Variants in ZMYM4 observed in about 807,000 individuals in gnomAD.
The protein encoded by ZMYM4 is zinc finger MYM-type containing 4.
Under a neutral mutation model 183.2 loss-of-function variants are expected in ZMYM4, and 31 were observed. The ratio of observed to expected loss-of-function variants is 0.17; its 90% confidence interval spans 0.13 to 0.23. The LOEUF (loss-of-function observed/expected upper bound fraction) is 0.23, where lower values mean the gene tolerates loss of function less well. Ranked by LOEUF, ZMYM4 falls within the 10% of genes least tolerant of loss-of-function variation. ZMYM4 has a pLI of 1.00. For synonymous variants in ZMYM4, 592 were observed against 631.2 expected (o/e 0.94, Z 0.93); for missense variants, 1,273 against 1,840.3 (o/e 0.69, Z 5.64).
chr1:35,289,807 G>A (rs1415013172), intron 1 of ZMYM4, among the ~76,000 whole-genome samples: 1 of 152,106 alleles, frequency 6.6e-6, no homozygotes, highest in Non-Finnish European at 1.5e-5. Context: ...GCCCCTGGTT[G>A]AATACCACTG....
chr1:35,371,147 G>A (rs913614907), intron 7 of ZMYM4, among the ~76,000 whole-genome samples: 3 of 138,994 alleles, frequency 2.2e-5, no homozygotes, highest in Admixed American at 7.4e-5. Flanking sequence ...ACGGAGTCTC[G>A]CTCTGTTGCC....
In ZMYM4 at chr1:35,285,112, A is replaced by G. The variant is rs541789289; in HGVS notation, c.39+16027A>G. On this transcript the variant is annotated intron_variant, in intron 1 of 29. Coordinates refer to ENST00000314607, the MANE Select transcript of ZMYM4 (RefSeq NM_005095.3). ...TGTAGTAGGTTTGAAATTAGGAAGTAGGAGTCCTCAAGTTTTTTTTTTCAA... is the reference window on the plus strand; with the variant it reads ...TGTAGTAGGTTTGAAATTAGGAAGTGGGAGTCCTCAAGTTTTTTTTTTCAA... Among the ~76,000 whole-genome samples, 22 of 151,398 alleles carry G rather than the reference A, an allele frequency of 1.5e-4. No individual in the cohort carries two copies. The South Asian group carries it at 4.4e-3, about 30-fold the overall frequency.
Position 35,389,073 on chromosome 1 carries a change from G to T in ZMYM4, c.2427G>T (p.Leu809Phe). 6.2e-7 allele frequency: 1 copy of T among 1,612,016 alleles called. No individual in the cohort carries two copies. Among genetic ancestry groups the T allele is most frequent in the South Asian group, 1.1e-5 (1 of 90,754 alleles). The change falls in exon 14 of 30, where the codon TTG becomes TTT. Residue 809 changes from leucine to phenylalanine, a missense_variant. Transcript: ENST00000314607. The surrounding 1 kb of genome is among the most constrained non-coding windows in gnomAD (Gnocchi z 4.0). Reference sequence around the variant, plus strand: ...AATGCATGTCCAAATATACAGTTTTGTTCTATCAGGTAAATAGAATTCACA... The same window carrying T: ...AATGCATGTCCAAATATACAGTTTTTTTCTATCAGGTAAATAGAATTCACA... ...CEECMSKYTV[L>F]FYQMAKCDAC... is the part of the protein sequence containing the mutation.
Position 35,381,406 on chromosome 1 carries a change from A to G in ZMYM4, c.1329A>G (p.Lys443=). 1.2e-6 allele frequency: 2 copies of G among 1,609,496 alleles called. No homozygotes were observed. The highest frequency in any genetic ancestry group is 1.7e-6 in the Non-Finnish European group (2 of 1,177,004). ...VTINTNSIST[K]CSMCQKNAVI... ...TAAATACAAATAGTATTTCAACCAA[A>G]TGCAGCATGTGTCAGAAGAATGCTG... Residue 443 remains lysine (K), a synonymous_variant, in exon 8 of 30, where the codon AAA becomes AAG. Coordinates refer to ENST00000314607, the MANE Select transcript of ZMYM4 (RefSeq NM_005095.3).
chr1:35,374,386 GT>G (rs984682557), intron 7 of ZMYM4, among the ~76,000 whole-genome samples: 24 of 151,834 alleles, frequency 1.6e-4, no homozygotes, highest in African/African-American at 1.9e-4. Context: ...AATTTTTATA[GT>G]TTTTTTTCTG....
intron 27 of ZMYM4, 88 bp from the exon 28 acceptor site, chr1:35,415,378 A>T: frequency 6.5e-7 from 1 of 1,531,836 alleles, no homozygotes; most frequent in African/African-American, 1.4e-5. Flanking sequence ...TTTTCTCTTT[A>T]TATCTCCCTG....
chr1:35,323,622 C>T (rs1377282354), intron 1 of ZMYM4, among the ~76,000 whole-genome samples: 1 of 151,900 alleles, frequency 6.6e-6, no homozygotes, highest in East Asian at 1.9e-4. Context: ...CAGCTCACTG[C>T]AAGCTCTGTC....
At chr1:35,342,629 ATTTG>A (rs751538232) in intron 2 of ZMYM4, among the ~76,000 whole-genome samples, 106 of 152,070 alleles carry the variant, frequency 7.0e-4, no homozygotes, top group Non-Finnish European at 1.0e-3. Flanking sequence ...CCATCTTAAA[ATTTG>A]TTTGTCTTCT....
intron 1 of ZMYM4, among the ~76,000 whole-genome samples, chr1:35,318,292 A>G (rs968758176): frequency 2.6e-5 from 4 of 151,996 alleles, no homozygotes; most frequent in Non-Finnish European, 5.9e-5. Flanking sequence ...TCTTGACCTC[A>G]GGTGATCCAC....
chr1:35,275,391 A>C (rs1639821674), intron 1 of ZMYM4, among the ~76,000 whole-genome samples: 3 of 151,896 alleles, frequency 2.0e-5, no homozygotes, highest in Admixed American at 2.0e-4. Context: ...ACAGGCGTGC[A>C]CCACAATGCC....
chr1:35,326,703 A>G (rs1312358199), intron 2 of ZMYM4, among the ~76,000 whole-genome samples: 1 of 152,200 alleles, frequency 6.6e-6, no homozygotes, highest in Non-Finnish European at 1.5e-5. Flanking sequence ...ACACACACCC[A>G]TGCTCACTCA....
chr1:35,405,038 A>G lies in ZMYM4; in HGVS notation c.3544A>G (p.Ile1182Val), dbSNP rs201516168. 121 of 1,610,936 alleles carry G rather than the reference A, an allele frequency of 7.5e-5. No homozygotes were observed. The highest frequency in any genetic ancestry group is 1.2e-4 in the Admixed American group (7 of 59,500). Residue 1182 changes from isoleucine (I) to valine (V), a missense_variant, in exon 24 of 30, where the codon ATA becomes GTA. Transcript: ENST00000314607. ...QPRRRGRKKSIVAVEPRSLIQ... is the reference protein window; with the variant it reads ...QPRRRGRKKSVVAVEPRSLIQ... ...ATTCTTACAGGGACGGAAGAAGTCT[A>G]TAGTGGCTGTGGAGCCCAGGAGTCT... is the stretch of plus-strand genomic sequence containing the variant.
At chr1:35,283,326 CTTTTTTTTTTTTT>C (rs201360397) in intron 1 of ZMYM4, among the ~76,000 whole-genome samples, 276 of 56,772 alleles carry the variant, frequency 4.9e-3, no homozygotes, top group Non-Finnish European at 5.9e-3. Context: ...GAAGTGGTAT[CTTTTTTTTTTTTT>C]TTTTTTTTTT....
At chr1:35,335,270 T>C (rs1486089789) in intron 2 of ZMYM4, among the ~76,000 whole-genome samples, 3 of 151,888 alleles carry the variant, frequency 2.0e-5, no homozygotes, top group African/African-American at 7.3e-5. Flanking sequence ...AGAGTCTCGC[T>C]GTGTCACCCA....
intron 12 of ZMYM4, 67 bp from the exon 13 acceptor site, chr1:35,387,387 G>A: frequency 1.3e-6 from 2 of 1,564,684 alleles, no homozygotes; most frequent in Non-Finnish European, 1.7e-6. Context: ...TTGAAAGTAA[G>A]GGAGATAAGG....
At chr1:35,303,859 T>C (rs1315803222) in intron 1 of ZMYM4, among the ~76,000 whole-genome samples, 1 of 152,212 alleles carries the variant, frequency 6.6e-6, no homozygotes, top group East Asian at 1.9e-4. Context: ...TGATTTGGCA[T>C]CCTTCTTTAA....
rs78283626 is a variant in ZMYM4, at chr1:35,329,912, G to A, written c.85+4507G>A. On this transcript the variant is annotated intron_variant, in intron 2 of 29. Coordinates refer to ENST00000314607, the MANE Select transcript of ZMYM4 (RefSeq NM_005095.3). ...TTAGGTTTAACTATATATAATAGAAGCACAATAGAACTTTATTTCTTGGCT... is the reference window on the plus strand; with the variant it reads ...TTAGGTTTAACTATATATAATAGAAACACAATAGAACTTTATTTCTTGGCT... Among the ~76,000 whole-genome samples the A allele has an allele frequency of 3.4e-3, 522 of 152,096 alleles. 3 individuals carry two copies. Among genetic ancestry groups the A allele is most frequent in the African/African-American group, 0.012 (493 of 41,500 alleles).
Position 35,370,806 on chromosome 1 carries a change from G to A in ZMYM4, c.1181+179G>A, listed in dbSNP as rs192019189. On this transcript the variant is annotated intron_variant, in intron 7 of 29. Coordinates refer to ENST00000314607, the MANE Select transcript of ZMYM4 (RefSeq NM_005095.3). ...CAGTTGTTGCTTTTCAGTCTTCCAG[G>A]TGCTAGGTGCTCAGCTTGTTTTTTA... is the stretch of plus-strand genomic sequence containing the variant. The A allele has an allele frequency of 1.4e-5, 10 of 700,550 alleles. No individual in the cohort carries two copies. In the East Asian group the frequency reaches 3.3e-4, roughly 23 times the overall value. The allele number at this position is 700,550 out of a possible 1,614,324, so 43.4% of individuals were successfully genotyped here. A position where few individuals can be genotyped will look rare whatever the true frequency, so the allele number is the denominator to read the frequency against.
chr1:35,338,332 A>C (rs1452164610), intron 2 of ZMYM4, among the ~76,000 whole-genome samples: 1 of 152,208 alleles, frequency 6.6e-6, no homozygotes, highest in Non-Finnish European at 1.5e-5. Context: ...TGGATTTTGG[A>C]TTTTATTTAG....
Sources: allele counts gnomAD v4.1 joint callset (sites outside exome capture counted in the v4.1 genomes callset), GRCh38; gene constraint gnomAD v4.1.1; non-coding constraint Gnocchi (gnomAD v3.1); transcripts MANE v1.5; gene names NCBI Gene and HGNC (gene_info 2026-07-23, HGNC 2026-07-21).